Variants in NKX2-1 observed in about 807,000 individuals in gnomAD.
NKX2-1 encodes the protein homeobox protein Nkx-2.1.
A neutral mutation model predicts 35.1 loss-of-function variants in NKX2-1; 9 were observed. The observed-to-expected ratio is 0.26, with a 90% CI of 0.15 to 0.45. The LOEUF is 0.45. NKX2-1 is among the 20% of genes least tolerant of loss of function. The pLI, the probability that NKX2-1 is intolerant of heterozygous loss-of-function variation, is 1.00. For synonymous variants in NKX2-1, 284 were observed against 269.9 expected (o/e 1.05, Z -0.51); for missense variants, 509 against 589.1 (o/e 0.86, Z 1.41).
chr14:36,519,295 C>G lies in NKX2-1; in HGVS notation c.153G>C (p.Glu51Asp). The stretch of plus-strand genomic sequence containing the variant: ...CCATGCCCACTTTCTTGTAGCTTTC[C>G]TCCAGGGGACTCAAGATGTCAGACA... ...FSVSDILSPL[E>D]ESYKKVGMEG... The change falls in exon 2 of 3, where the codon GAG (glutamate) becomes GAC (aspartate). Residue 51 changes from glutamate to aspartate, a missense_variant. Glu to Asp is a conservative substitution (Grantham distance 45, BLOSUM62 2). Around this residue, in one of 5 missense-constraint regions of NKX2-1, gnomAD observed 271 missense variants for 284.1 expected, o/e 0.95. Coordinates refer to ENST00000354822, the MANE Select transcript of NKX2-1 (RefSeq NM_001079668.3). 6.2e-7 allele frequency: 1 copy of G among 1,613,052 alleles called. No individual in the cohort carries two copies. The highest frequency in any genetic ancestry group is 8.5e-7 in the Non-Finnish European group (1 of 1,180,014).
chr14:36,517,210 G>A lies in NKX2-1; in HGVS notation c.*68C>T, dbSNP rs981734429. 1 of 1,563,346 alleles carries A rather than the reference G, an allele frequency of 6.4e-7. No individual in the cohort carries two copies. ...AGCGCGTGGAGCAGCGGTGGATGGTGGTCTGTGTGGCGGGCAGGAGGGAAG... is the reference window on the plus strand; with the variant it reads ...AGCGCGTGGAGCAGCGGTGGATGGTAGTCTGTGTGGCGGGCAGGAGGGAAG... On this transcript the variant is annotated 3_prime_UTR_variant, in exon 3 of 3. Coordinates refer to ENST00000354822, the MANE Select transcript of NKX2-1 (RefSeq NM_001079668.3).
At position 36,517,686 on chromosome 14, in the gene NKX2-1, G is replaced by T. The variant is rs1219913571; in HGVS notation, c.798C>A (p.Gly266=). 1.9e-6 allele frequency: 3 copies of T among 1,558,644 alleles called. No individual in the cohort carries two copies. The highest frequency in any genetic ancestry group is 2.3e-5 in the South Asian group (2 of 85,270). The change falls in exon 3 of 3, where the codon GGC becomes GGA. Residue 266 remains glycine, a synonymous_variant. Coordinates refer to ENST00000354822, the MANE Select transcript of NKX2-1 (RefSeq NM_001079668.3). ...GGCACCCGGTGCCCCCGCCGCCCCC[G>T]CCGCCGCCGCTGTCCTGCTGCAGTT... The part of the protein sequence containing the change: ...QQQLQQDSGG[G]GGGGGTGCPQ...
Position 36,520,080 on chromosome 14 carries a change from C to T in NKX2-1, c.50G>A (p.Gly17Glu). The change falls in exon 1 of 3, where the codon GGA becomes GAA. Residue 17 changes from glycine (G) to glutamate (E), a missense_variant. Around this residue, in one of 5 missense-constraint regions of NKX2-1, gnomAD observed 271 missense variants for 284.1 expected, o/e 0.95. Transcript: ENST00000354822. ...GAGCCTGCCGGGGCTGCTCCTCCCT[C>T]CCGCCGCGGCCTCCCAGCCCCGCGC... ...GKARGWEAAA[G>E]GRSSPGRLSR... 1 of 1,612,988 alleles carries T rather than the reference C, an allele frequency of 6.2e-7. No individual in the cohort carries two copies. Among genetic ancestry groups the T allele is most frequent in the Non-Finnish European group, 8.5e-7 (1 of 1,179,874 alleles).
At chr14:36,518,060 C>G (rs773441660) in intron 2 of NKX2-1, 40 bp from the exon 3 acceptor site, 7 of 1,590,426 alleles carry the variant, frequency 4.4e-6, no homozygotes, top group Non-Finnish European at 5.1e-6. Flanking sequence ...GGGGCCAGGC[C>G]GAGCCAGGCC....
At position 36,517,710 on chromosome 14, in the gene NKX2-1, T is replaced by A; in HGVS notation, c.774A>T (p.Gln258His). 1 of 1,596,952 alleles carries A rather than the reference T, an allele frequency of 6.3e-7. No individual in the cohort carries two copies. Among genetic ancestry groups the A allele is most frequent in the East Asian group, 2.3e-5 (1 of 44,112 alleles). The change falls in exon 3 of 3, where the codon CAA becomes CAT. Residue 258 changes from glutamine (Q) to histidine (H), a missense_variant. Gln to His is a conservative substitution (Grantham distance 24). Coordinates refer to ENST00000354822, the MANE Select transcript of NKX2-1 (RefSeq NM_001079668.3). ...RQAKDKAAQQQLQQDSGGGGG... is the reference protein window; with the variant it reads ...RQAKDKAAQQHLQQDSGGGGG... ...CGCCGCCGCCGCTGTCCTGCTGCAGTTGCTGCTGCGCCGCCTTGTCCTTGG... is the reference window on the plus strand; with the variant it reads ...CGCCGCCGCCGCTGTCCTGCTGCAGATGCTGCTGCGCCGCCTTGTCCTTGG...
chr14:36,518,438 T>C (rs1249606467), intron 2 of NKX2-1, among the ~76,000 whole-genome samples: 1 of 151,980 alleles, frequency 6.6e-6, no homozygotes, highest in African/African-American at 2.4e-5. Flanking sequence ...AGAGGGGGTG[T>C]TGACTTCCAA....
intron 2 of NKX2-1, among the ~76,000 whole-genome samples, chr14:36,518,635 G>T (rs774891340): frequency 2.6e-5 from 4 of 152,116 alleles, no homozygotes; most frequent in Admixed American, 1.3e-4. Flanking sequence ...CTCCTGGCCC[G>T]GTCTAGCCTC....
At position 36,517,109 on chromosome 14, in the gene NKX2-1, A is replaced by G; in HGVS notation, c.*169T>C. The G allele has an allele frequency of 8.2e-7, 1 of 1,223,486 alleles. No homozygotes were observed. Among genetic ancestry groups the G allele is most frequent in the South Asian group, 1.9e-5 (1 of 51,548 alleles). The allele number at this position is 1,223,486 out of a possible 1,614,324, so 75.8% of individuals were successfully genotyped here. On this transcript the variant is annotated 3_prime_UTR_variant, in exon 3 of 3. Transcript: ENST00000354822. ...AAATTTTAGGGGGGGAAAAAAAGAA[A>G]GACGTCCAGCAGTTTGGCCTTTGTG...
chr14:36,519,200 A>G lies in NKX2-1; in HGVS notation c.248T>C (p.Met83Thr). 1 of 1,603,940 alleles carries G rather than the reference A, an allele frequency of 6.2e-7. No homozygotes were observed. Residue 83 changes from methionine to threonine, a missense_variant, in exon 2 of 3, where the codon ATG (methionine) becomes ACG (threonine). Met to Thr is a moderately conservative substitution (Grantham distance 81). This residue lies in a region of NKX2-1 where 271 missense variants were observed against 284.1 expected (regional missense o/e 0.95). Transcript: ENST00000354822. ...QGQAAPPTAA[M>T]QQHAVGHHGA... is the part of the protein sequence containing the mutation. ...GTGGTGCCCCACGGCGTGCTGCTGC[A>G]TGGCCGCTGTTGGCGGTGCCGCCTG...
chr14:36,519,238 C>T lies in NKX2-1; in HGVS notation c.210G>A (p.Ala70=), dbSNP rs780449077. 20 of 1,608,786 alleles carry T rather than the reference C, an allele frequency of 1.2e-5. No individual in the cohort carries two copies. The highest frequency in any genetic ancestry group is 1.6e-5 in the Non-Finnish European group (19 of 1,178,180). ...EGGGLGAPLA[A]YRQGQAAPPT... is the part of the protein sequence containing the mutation. ...GCGGTGCCGCCTGGCCCTGCCTGTA[C>T]GCCGCCAGCGGAGCCCCGAGGCCGC... Residue 70 remains alanine, a synonymous_variant, in exon 2 of 3, where the codon GCG becomes GCA. Coordinates refer to ENST00000354822, the MANE Select transcript of NKX2-1 (RefSeq NM_001079668.3).
chr14:36,517,803 C>T lies in NKX2-1; in HGVS notation c.681G>A (p.Met227Ile), dbSNP rs374325397. 2.5e-6 allele frequency: 4 copies of T among 1,612,620 alleles called. No homozygotes were observed. In the African/African-American group the frequency reaches 5.3e-5, roughly 22 times the overall value. ...TGACCTGCGTGGGCGTCAGGTGGATCATGCTGGCCAGGTGCTCGCGCTCCG... is the reference window on the plus strand; with the variant it reads ...TGACCTGCGTGGGCGTCAGGTGGATTATGCTGGCCAGGTGCTCGCGCTCCG... Reference protein sequence around the residue: ...SAPEREHLASMIHLTPTQVKI... With the variant: ...SAPEREHLASIIHLTPTQVKI... The change falls in exon 3 of 3, where the codon ATG becomes ATA. Residue 227 changes from methionine to isoleucine, a missense_variant. Met to Ile is a conservative substitution (Grantham distance 10). Transcript: ENST00000354822.
Position 36,519,093 on chromosome 14 carries a change from C to T in NKX2-1, c.355G>A (p.Gly119Ser). Reference protein sequence around the residue: ...SHSAVGGYCNGNLGNMSELPP... With the variant: ...SHSAVGGYCNSNLGNMSELPP... ...AGCTCGCTCATGTTGCCCAGGTTGC[C>T]GTTGCAGTAGCCCCCCACGGCGGAG... The change falls in exon 2 of 3, where the codon GGC (glycine) becomes AGC (serine). Residue 119 changes from glycine to serine, a missense_variant. Gly to Ser is a moderately conservative substitution (Grantham distance 56). Around this residue, in one of 5 missense-constraint regions of NKX2-1, gnomAD observed 271 missense variants for 284.1 expected, o/e 0.95. Coordinates refer to ENST00000354822, the MANE Select transcript of NKX2-1 (RefSeq NM_001079668.3). 6.2e-7 allele frequency: 1 copy of T among 1,603,108 alleles called. No homozygotes were observed. The highest frequency in any genetic ancestry group is 8.5e-7 in the Non-Finnish European group (1 of 1,179,318).
chr14:36,517,190 G>A lies in NKX2-1; in HGVS notation c.*88C>T, dbSNP rs1881062907. On this transcript the variant is annotated 3_prime_UTR_variant, in exon 3 of 3. Transcript: ENST00000354822. ...AGGTTGTTAAGAAAAGTCGAAGCGC[G>A]TGGAGCAGCGGTGGATGGTGGTCTG... is the stretch of plus-strand genomic sequence containing the variant. 1 of 1,541,198 alleles carries A rather than the reference G, an allele frequency of 6.5e-7. No individual in the cohort carries two copies. Among genetic ancestry groups the A allele is most frequent in the Non-Finnish European group, 8.8e-7 (1 of 1,142,590 alleles).
intron 2 of NKX2-1, among the ~76,000 whole-genome samples, chr14:36,518,631 G>A (rs1405670901): frequency 2.0e-5 from 3 of 152,240 alleles, no homozygotes; most frequent in East Asian, 3.9e-4. Flanking sequence ...CTCCCTCCTG[G>A]CCCGGTCTAG....
intron 2 of NKX2-1, 115 bp downstream of exon 2, chr14:36,518,869 CG>C: frequency 7.6e-7 from 1 of 1,318,368 alleles, no homozygotes; most frequent in South Asian, 1.8e-5. Context: ...GCGCCGCTGC[CG>C]GGCCGCCCTC....
rs566916288 is a variant in NKX2-1, at chr14:36,516,699, G to C, written c.*579C>G. The stretch of plus-strand genomic sequence containing the variant: ...ATTAAACAAACTATTTTCGCGGAGG[G>C]CGGTCGCCGCTGAGCCTAGGCGGCC... On this transcript the variant is annotated 3_prime_UTR_variant, in exon 3 of 3. Transcript: ENST00000354822. The C allele has an allele frequency of 2.6e-3, 609 of 233,586 alleles. 4 individuals are homozygous for C. Among genetic ancestry groups the C allele is most frequent in the African/African-American group, 0.012 (562 of 45,428 alleles). The allele number at this position is 233,586 out of a possible 1,614,324, so 14.5% of individuals were successfully genotyped here.
rs775837863 is a variant in NKX2-1 at position 36,517,853 on chromosome 14, T to C, written c.631A>G (p.Lys211Glu). ...AQVYELERRF[K>E]QQKYLSAPER... ...GGCGCCGACAGGTACTTCTGTTGCTTGAAGCGTCGCTCCAGCTCGTACACC... is the reference window on the plus strand; with the variant it reads ...GGCGCCGACAGGTACTTCTGTTGCTCGAAGCGTCGCTCCAGCTCGTACACC... The change falls in exon 3 of 3, where the codon AAG (lysine) becomes GAG (glutamate). Residue 211 changes from lysine (K) to glutamate (E), a missense_variant. Around this residue, in one of 5 missense-constraint regions of NKX2-1, gnomAD observed 15 missense variants for 28.6 expected, o/e 0.52. Transcript: ENST00000354822. 1.2e-5 allele frequency: 19 copies of C among 1,612,478 alleles called. No individual in the cohort carries two copies. Among genetic ancestry groups the C allele is most frequent in the Admixed American group, 1.0e-4 (6 of 59,874 alleles).
At position 36,519,686 on chromosome 14, in the gene NKX2-1, A is replaced by AC. The variant is rs1881255545; in HGVS notation, c.78-317dup. The AC allele has an allele frequency of 2.0e-6, 3 of 1,512,960 alleles. No individual in the cohort carries two copies. The East Asian group carries it at 7.7e-5, about 39-fold the overall frequency. The allele number at this position is 1,512,960 out of a possible 1,614,324, so 93.7% of individuals were successfully genotyped here. ...CTTACATGCTGATGACAAGGTAAACACCTTTAAGTTTCACTTGTCAGGATT... is the reference window on the plus strand; with the variant it reads ...CTTACATGCTGATGACAAGGTAAACACCCTTTAAGTTTCACTTGTCAGGATT... On this transcript the variant is annotated intron_variant, in intron 1 of 2. Transcript: ENST00000354822.
At chr14:36,518,771 C>T (rs1881186223) in intron 2 of NKX2-1, among the ~76,000 whole-genome samples, 1 of 152,190 alleles carries the variant, frequency 6.6e-6, no homozygotes, top group Non-Finnish European at 1.5e-5. Flanking sequence ...CGCATCTGAC[C>T]GCAGGACCCC....
Sources: allele counts gnomAD v4.1 joint callset (sites outside exome capture counted in the v4.1 genomes callset), GRCh38; gene constraint gnomAD v4.1.1; regional missense constraint gnomAD v4.1.1; transcripts MANE v1.5; gene names NCBI Gene and HGNC (gene_info 2026-07-23, HGNC 2026-07-21).